Variants in SYNPO2 observed in about 807,000 individuals in gnomAD.
The protein encoded by SYNPO2 is synaptopodin-2.
A neutral mutation model predicts 85.0 loss-of-function variants in SYNPO2; 56 were observed. The observed-to-expected ratio is 0.66, with a 90% confidence interval of 0.53 to 0.82. The LOEUF (loss-of-function observed/expected upper bound fraction) is 0.82, where lower values mean the gene tolerates loss of function less well. SYNPO2 is among the 40% of genes least tolerant of loss of function. The probability of loss-of-function intolerance (pLI) is 0.00; values close to 1 mark genes in which losing one functional copy is unlikely to be tolerated. For missense variants in SYNPO2, 1,575 were observed against 1,534.2 expected, an observed-to-expected ratio of 1.03 and a Z score of -0.44; for synonymous variants, 602 against 591.1, an observed-to-expected ratio of 1.02 and a Z score of -0.27.
intron 1 of SYNPO2, among the ~76,000 whole-genome samples, chr4:118,983,566 A>G (rs149123960): frequency 1.3e-5 from 2 of 152,232 alleles, no homozygotes; most frequent in East Asian, 1.9e-4. Flanking sequence ...TCCCTTTGAA[A>G]TACTTTCTTC....
At chr4:118,958,941 G>C (rs1578585443) in intron 1 of SYNPO2, among the ~76,000 whole-genome samples, 1 of 152,106 alleles carries the variant, frequency 6.6e-6, no homozygotes, top group East Asian at 1.9e-4. Flanking sequence ...ATTTTACTTT[G>C]ATTGAAAATG....
intron 1 of SYNPO2, among the ~76,000 whole-genome samples, chr4:118,883,058 G>A (rs1578517445): frequency 6.7e-6 from 1 of 150,258 alleles, no homozygotes; most frequent in African/African-American, 2.4e-5. Context: ...ACCGCGCCCC[G>A]CCTGTTTTTT....
chr4:118,938,034 G>A (rs1734168799), intron 1 of SYNPO2, among the ~76,000 whole-genome samples: 1 of 152,192 alleles, frequency 6.6e-6, no homozygotes, highest in Non-Finnish European at 1.5e-5. Flanking sequence ...CAGGCACGGT[G>A]GCTCACACCT....
chr4:119,013,993 A>G (rs1034500757), intron 1 of SYNPO2, among the ~76,000 whole-genome samples: 6 of 152,352 alleles, frequency 3.9e-5, no homozygotes, highest in East Asian at 1.9e-4. Context: ...AAGACTATCA[A>G]TGTACTCCTC....
intron 4 of SYNPO2, among the ~76,000 whole-genome samples, chr4:119,056,315 G>A (rs552417290): frequency 2.6e-5 from 4 of 152,322 alleles, no homozygotes; most frequent in African/African-American, 9.6e-5. Context: ...CAACTTGGGA[G>A]GCTGAGGTGG....
intron 1 of SYNPO2, among the ~76,000 whole-genome samples, chr4:119,012,591 T>TC (rs1367940708): frequency 2.0e-5 from 3 of 152,186 alleles, no homozygotes; most frequent in Non-Finnish European, 4.4e-5. Context: ...ATGTTTCCCC[T>TC]CCTGTGTCCA....
At chr4:118,926,086 C>T (rs1245787237) in intron 1 of SYNPO2, among the ~76,000 whole-genome samples, 1 of 152,042 alleles carries the variant, frequency 6.6e-6, no homozygotes, top group Non-Finnish European at 1.5e-5. Context: ...TGGAGCATGC[C>T]AATTTGCAGT....
At chr4:118,879,869 C>T (rs975732763) in intron 1 of SYNPO2, among the ~76,000 whole-genome samples, 1 of 152,076 alleles carries the variant, frequency 6.6e-6, no homozygotes, top group African/African-American at 2.4e-5. Flanking sequence ...TCCCGCCTCC[C>T]TCCGAGACCC....
At chr4:119,049,209 A>G (rs1338253033) in intron 4 of SYNPO2, among the ~76,000 whole-genome samples, 2 of 152,230 alleles carry the variant, frequency 1.3e-5, no homozygotes, top group Non-Finnish European at 2.9e-5. Context: ...AAAATGGAGA[A>G]TATCTGTGGT....
intron 4 of SYNPO2, among the ~76,000 whole-genome samples, chr4:119,052,374 G>T (rs941960006): frequency 6.6e-6 from 1 of 152,166 alleles, no homozygotes; most frequent in Non-Finnish European, 1.5e-5. Flanking sequence ...TCACTCCCTA[G>T]AACAGAGAAG....
intron 4 of SYNPO2, chr4:119,038,420 T>G: frequency 1.0e-6 from 1 of 985,424 alleles, no homozygotes; most frequent in Non-Finnish European, 1.2e-6. Context: ...CTCAAAATTC[T>G]TTCATTTTCT....
chr4:118,963,544 C>T (rs916820345), intron 1 of SYNPO2, among the ~76,000 whole-genome samples: 2 of 152,068 alleles, frequency 1.3e-5, no homozygotes, highest in Non-Finnish European at 2.9e-5. Context: ...GTGATGTTGC[C>T]CAGGCTGGCC....
intron 1 of SYNPO2, among the ~76,000 whole-genome samples, chr4:118,880,439 G>A (rs1054984903): frequency 3.3e-5 from 5 of 152,152 alleles, no homozygotes; most frequent in South Asian, 4.1e-4. Context: ...TGAAAAAGAT[G>A]ATTTTGTTCA....
At chr4:119,032,801 C>T (rs1738338092) in intron 4 of SYNPO2, 7 of 873,868 alleles carry the variant, frequency 8.0e-6, no homozygotes, top group Non-Finnish European at 9.6e-6. Flanking sequence ...AGGAGGACTG[C>T]TTGAGGCCGG....
At chr4:118,971,906 G>T (rs965462902) in intron 1 of SYNPO2, among the ~76,000 whole-genome samples, 1 of 152,182 alleles carries the variant, frequency 6.6e-6, no homozygotes, top group East Asian at 1.9e-4. Context: ...TTGAGAAAGT[G>T]TAAGAAGGAA....
upstream of SYNPO2, among the ~76,000 whole-genome samples, chr4:118,885,170 A>G (rs1732176055): frequency 6.6e-6 from 1 of 152,258 alleles, no homozygotes; most frequent in African/African-American, 2.4e-5. Flanking sequence ...AGGGGTAGTA[A>G]GCAACAAGGT....
chr4:119,023,522 C>A lies in SYNPO2; in HGVS notation c.198C>A (p.Tyr66Ter). The change falls in exon 2 of 5, where the codon TAC becomes TAA. Residue 66 changes from tyrosine to a stop codon, truncating the protein, a stop_gained. Coordinates refer to ENST00000307142, the MANE Select transcript of SYNPO2 (RefSeq NM_133477.3). LOFTEE classifies it high-confidence loss of function. ...INGNPCADLT[Y>*]PEVIKLMESI... ...GCAACCCTTGTGCAGATCTCACCTA[C>A]CCTGAAGTCATCAAGCTCATGGAAA... The A allele has an allele frequency of 6.2e-7, 1 of 1,613,640 alleles. No individual in the cohort carries two copies. The highest frequency in any genetic ancestry group is 2.2e-5 in the East Asian group (1 of 44,846).
intron 1 of SYNPO2, among the ~76,000 whole-genome samples, chr4:118,859,396 A>G (rs1166154697): frequency 2.6e-5 from 4 of 152,180 alleles, no homozygotes; most frequent in Admixed American, 6.5e-5. Context: ...CACCTCAAGC[A>G]TTTATCCTTT....
At chr4:118,878,501 A>T (rs1731968798) in intron 1 of SYNPO2, among the ~76,000 whole-genome samples, 1 of 152,190 alleles carries the variant, frequency 6.6e-6, no homozygotes, top group Non-Finnish European at 1.5e-5. Flanking sequence ...TCAGATGGGG[A>T]CTTGGAGAAA....
Sources: gnomAD v4.1 joint callset for allele counts (sites outside exome capture counted in the v4.1 genomes callset) on GRCh38, gnomAD v4.1.1 for gene constraint, MANE v1.5 for transcripts, NCBI Gene and HGNC (gene_info 2026-07-23, HGNC 2026-07-21) for gene names.